The following TLL2 variants were observed in gnomAD, a reference collection of about 807,000 sequenced individuals.
TLL2 encodes tolloid-like protein 2.
A neutral mutation model predicts 123.0 loss-of-function variants in TLL2; 106 were observed. The observed-to-expected ratio is 0.86, with a 90% CI of 0.74 to 1.01. The LOEUF is 1.01. TLL2 is among the 50% of genes least tolerant of loss of function. TLL2 has a pLI of 0.00. For missense variants in TLL2, 1,332 were observed against 1,336.7 expected (o/e 1.00, Z 0.06); for synonymous variants, 494 against 516.8 (o/e 0.96, Z 0.60).
chr10:96,379,067 G>A lies in TLL2; in HGVS notation c.2220C>T (p.Asn740=), dbSNP rs767283764. The A allele has an allele frequency of 3.3e-5, 53 of 1,614,090 alleles. No individual in the cohort carries two copies. The highest frequency in any genetic ancestry group is 2.2e-4 in the East Asian group (10 of 44,876). The change falls in exon 17 of 21, where the codon AAC becomes AAT. Residue 740 remains asparagine (N), a synonymous_variant. Coordinates refer to ENST00000357947, the MANE Select transcript of TLL2 (RefSeq NM_012465.4). Reference sequence around the variant, plus strand: ...TGACGCACTCATGCTGACACCCGCCGTTGTCCTTGGCACACTCGTCCTTAT... The same window carrying A: ...TGACGCACTCATGCTGACACCCGCCATTGTCCTTGGCACACTCGTCCTTAT... ...FSDKDECAKD[N]GGCQHECVNT...
intron 7 of TLL2, 94 bp downstream of exon 7, chr10:96,420,862 G>T: frequency 1.9e-6 from 2 of 1,060,636 alleles, no homozygotes; most frequent in Non-Finnish European, 2.9e-6. Context: ...CTAGAAGCAT[G>T]CAGAGACCCA....
At chr10:96,505,307 C>A (rs4919027) in intron 1 of TLL2, among the ~76,000 whole-genome samples, 19,262 of 152,186 alleles carry the variant, frequency 0.13, 1,300 homozygotes, top group African/African-American at 0.18. Flanking sequence ...GATCCAATCA[C>A]CTCCCACCAG....
At chr10:96,432,205 T>C (rs1005056868) in intron 4 of TLL2, among the ~76,000 whole-genome samples, 1 of 152,220 alleles carries the variant, frequency 6.6e-6, no homozygotes, top group African/African-American at 2.4e-5. Flanking sequence ...GCTTTATCTA[T>C]AGTAACCCAT....
intron 1 of TLL2, among the ~76,000 whole-genome samples, chr10:96,490,260 C>T (rs188740533): frequency 6.6e-6 from 1 of 152,242 alleles, no homozygotes; most frequent in Admixed American, 6.5e-5. Flanking sequence ...AGTAAAGAAC[C>T]GTTAACTCTT....
At position 96,481,414 on chromosome 10, in the gene TLL2, T is replaced by C. The variant is rs573615765; in HGVS notation, c.176-955A>G. 2.6e-5 allele frequency among the ~76,000 whole-genome samples: 4 copies of C among 152,300 alleles called. No homozygotes were observed. In the South Asian group the frequency reaches 6.2e-4, roughly 24 times the overall value. Reference sequence around the variant, plus strand: ...CAAAACACTGGGATTACAGGTGTGATGTTGTTTTCATAATCTTCTGAGATT... The same window carrying C: ...CAAAACACTGGGATTACAGGTGTGACGTTGTTTTCATAATCTTCTGAGATT... On this transcript the variant is annotated intron_variant, in intron 1 of 20. Coordinates refer to ENST00000357947, the MANE Select transcript of TLL2 (RefSeq NM_012465.4).
At chr10:96,373,150 T>A (rs1404142490) in intron 19 of TLL2, 1 of 154,014 alleles carries the variant, frequency 6.5e-6, no homozygotes, top group Non-Finnish European at 1.4e-5. Context: ...TTTATTTTTT[T>A]TATTTTTTTA....
chr10:96,511,679 T>C (rs1371031596), intron 1 of TLL2, among the ~76,000 whole-genome samples: 1 of 152,226 alleles, frequency 6.6e-6, no homozygotes, highest in South Asian at 2.1e-4. Flanking sequence ...GGAGCTGGCA[T>C]GCCTCTTTCA....
chr10:96,432,615 C>T (rs1338363069), intron 4 of TLL2, among the ~76,000 whole-genome samples, 192 bp downstream of exon 4: 1 of 152,184 alleles, frequency 6.6e-6, no homozygotes, highest in East Asian at 1.9e-4. Flanking sequence ...GAGGACATAG[C>T]TCCAACAGAG....
At chr10:96,420,407 A>G (rs995609095) in intron 7 of TLL2, among the ~76,000 whole-genome samples, 1 of 152,264 alleles carries the variant, frequency 6.6e-6, no homozygotes, top group African/African-American at 2.4e-5. Context: ...CTACTTGAAT[A>G]CAGCGGCTTC....
intron 2 of TLL2, among the ~76,000 whole-genome samples, chr10:96,452,296 C>T (rs534880140): frequency 7.9e-5 from 12 of 152,288 alleles, no homozygotes; most frequent in African/African-American, 2.9e-4. Context: ...GATGGATATC[C>T]ATCTGGGGAC....
intron 16 of TLL2, 82 bp from the exon 17 acceptor site, chr10:96,379,174 G>T: frequency 1.3e-6 from 2 of 1,548,096 alleles, no homozygotes; most frequent in Non-Finnish European, 1.8e-6. Context: ...CTTAAAAGTG[G>T]CCTCCTCTGG....
intron 7 of TLL2, among the ~76,000 whole-genome samples, chr10:96,415,062 C>T (rs1326819719): frequency 6.6e-6 from 1 of 152,178 alleles, no homozygotes; most frequent in African/African-American, 2.4e-5. Context: ...TCCCAGAATG[C>T]AAGGGGAGGC....
intron 1 of TLL2, among the ~76,000 whole-genome samples, chr10:96,492,960 G>A (rs965065167): frequency 6.6e-6 from 1 of 152,182 alleles, no homozygotes; most frequent in Non-Finnish European, 1.5e-5. Context: ...TCCAGAGACA[G>A]GGAGCTCACG....
chr10:96,431,927 G>A (rs1846745808), intron 4 of TLL2, among the ~76,000 whole-genome samples: 1 of 152,098 alleles, frequency 6.6e-6, no homozygotes, highest in Non-Finnish European at 1.5e-5. Flanking sequence ...AAGTGTGAGT[G>A]CTCAGGGGCC....
At chr10:96,386,835 T>C (rs1029999862) in intron 14 of TLL2, 118 bp downstream of exon 14, 38 of 1,460,342 alleles carry the variant, frequency 2.6e-5, no homozygotes, top group Non-Finnish European at 3.4e-5. Context: ...TCTTCCACCA[T>C]GTCTGCCCAT....
intron 2 of TLL2, among the ~76,000 whole-genome samples, chr10:96,461,006 T>C (rs1050017605): frequency 6.6e-6 from 1 of 152,206 alleles, no homozygotes; most frequent in Middle Eastern, 3.2e-3. Context: ...ACCTAGTCTA[T>C]GACATTCTGT....
At chr10:96,474,340 A>G (rs1847215816) in intron 2 of TLL2, among the ~76,000 whole-genome samples, 2 of 152,202 alleles carry the variant, frequency 1.3e-5, no homozygotes, top group African/African-American at 4.8e-5. Context: ...GCCAATTTTA[A>G]TAGCACCATC....
intron 4 of TLL2, among the ~76,000 whole-genome samples, chr10:96,429,610 G>T (rs1229259602): frequency 6.6e-6 from 1 of 152,230 alleles, no homozygotes; most frequent in East Asian, 1.9e-4. Context: ...TTTGGAAACT[G>T]CAGGCTTTTG....
chr10:96,507,452 A>G (rs1401912900), intron 1 of TLL2, among the ~76,000 whole-genome samples: 1 of 151,940 alleles, frequency 6.6e-6, no homozygotes, highest in East Asian at 1.9e-4. Context: ...TCTAACCCTA[A>G]CTATACTAGA....
Sources: gnomAD v4.1 joint callset for allele counts (sites outside exome capture counted in the v4.1 genomes callset) on GRCh38, gnomAD v4.1.1 for gene constraint, MANE v1.5 for transcripts, NCBI Gene and HGNC (gene_info 2026-07-23, HGNC 2026-07-21) for gene names.